The following ADAMTS17 variants were observed in gnomAD, a reference collection of about 807,000 sequenced individuals.
ADAMTS17 encodes the protein A disintegrin and metalloproteinase with thrombospondin motifs 17.
ADAMTS17 carries 113 observed loss-of-function variants against 141.5 expected under a neutral mutation model. That is an observed-to-expected ratio of 0.80 (90% CI 0.69 to 0.93). The LOEUF (loss-of-function observed/expected upper bound fraction) is 0.93. ADAMTS17 is among the 40% of genes least tolerant of loss of function. The probability of loss-of-function intolerance (pLI) is 0.00; values close to 1 mark genes in which losing one functional copy is unlikely to be tolerated. For missense variants in ADAMTS17, 1,659 were observed against 1,517.9 expected (o/e 1.09, Z -1.54); for synonymous variants, 768 against 630.6 (o/e 1.22, Z -3.27).
At chr15:100,147,908 C>G (rs1413734976) in intron 10 of ADAMTS17, among the ~76,000 whole-genome samples, 1 of 152,118 alleles carries the variant, frequency 6.6e-6, no homozygotes, top group Non-Finnish European at 1.5e-5. Context: ...GCCAAGGTGT[C>G]AATAGGGCTG....
chr15:100,150,103 T>C (rs1310108842), intron 10 of ADAMTS17, among the ~76,000 whole-genome samples: 1 of 152,144 alleles, frequency 6.6e-6, no homozygotes, highest in Non-Finnish European at 1.5e-5. Flanking sequence ...GGAAAACATA[T>C]TTTGCAGTTC....
chr15:100,151,484 C>T (rs2141347834), intron 10 of ADAMTS17, among the ~76,000 whole-genome samples: 1 of 152,290 alleles, frequency 6.6e-6, no homozygotes, highest in South Asian at 2.1e-4. Flanking sequence ...CTGCATGTGC[C>T]TGTGTGCTTT....
intron 3 of ADAMTS17, chr15:100,306,109 C>T (rs771311324): frequency 3.8e-5 from 7 of 184,610 alleles, no homozygotes; most frequent in African/African-American, 4.7e-5. Flanking sequence ...GCTCTCTCCT[C>T]GAGCTGTCTC....
At chr15:99,974,977 CT>C (rs1367469735) in intron 21 of ADAMTS17, among the ~76,000 whole-genome samples, 1 of 152,202 alleles carries the variant, frequency 6.6e-6, no homozygotes, top group Non-Finnish European at 1.5e-5. Flanking sequence ...CCCAAATATC[CT>C]TCAGGGTCTT....
intron 8 of ADAMTS17, among the ~76,000 whole-genome samples, chr15:100,161,420 A>G (rs2039688499): frequency 6.6e-6 from 1 of 151,650 alleles, no homozygotes; most frequent in Non-Finnish European, 1.5e-5. Context: ...TGTGGAATGA[A>G]TCCCCGGAGT....
chr15:100,165,482 T>G (rs765443972), intron 8 of ADAMTS17, among the ~76,000 whole-genome samples: 1 of 152,218 alleles, frequency 6.6e-6, no homozygotes, highest in Non-Finnish European at 1.5e-5. Context: ...GAGTGGCACC[T>G]GCTTGGGAGG....
intron 18 of ADAMTS17, among the ~76,000 whole-genome samples, chr15:100,001,852 C>G (rs1262779554): frequency 1.3e-5 from 2 of 149,826 alleles, no homozygotes; most frequent in East Asian, 3.9e-4. Flanking sequence ...ATCTGTGGTC[C>G]CAGCTACTTG....
chr15:100,096,493 C>T lies in ADAMTS17; in HGVS notation c.2017-17G>A. 6.2e-7 allele frequency: 1 copy of T among 1,614,002 alleles called. No individual in the cohort carries two copies. The highest frequency in any genetic ancestry group is 1.1e-5 in the South Asian group (1 of 91,076). On this transcript the variant is annotated splice_polypyrimidine_tract_variant and intron_variant, in intron 14 of 21. Coordinates refer to ENST00000268070, the MANE Select transcript of ADAMTS17 (RefSeq NM_139057.4). ...GCCGATTTTCTAAAGAACCAGAGGG[C>T]CTCATTATTCTGTGGTTAAGACTCA...
intron 18 of ADAMTS17, among the ~76,000 whole-genome samples, chr15:100,039,038 C>T (rs192818645): frequency 2.5e-4 from 38 of 152,316 alleles, no homozygotes; most frequent in East Asian, 1.5e-3. Context: ...TTAGGGCATA[C>T]GGCTGTTCAT....
At chr15:99,977,357 T>C (rs1398814804) in intron 20 of ADAMTS17, among the ~76,000 whole-genome samples, 1 of 2,156 alleles carries the variant, frequency 4.6e-4, no homozygotes. Context: ...TTCATATATA[T>C]ATATATATAT....
intron 8 of ADAMTS17, among the ~76,000 whole-genome samples, chr15:100,184,758 T>C (rs1327203980): frequency 6.6e-6 from 1 of 152,200 alleles, no homozygotes; most frequent in East Asian, 1.9e-4. Flanking sequence ...ATCATGCTGC[T>C]GTGGCCATCA....
chr15:100,294,165 T>A (rs2044732603), intron 3 of ADAMTS17, among the ~76,000 whole-genome samples: 1 of 152,228 alleles, frequency 6.6e-6, no homozygotes, highest in Non-Finnish European at 1.5e-5. Context: ...CTTATTTCTA[T>A]CATCTGCATG....
At chr15:100,277,873 G>A (rs1257465669) in intron 4 of ADAMTS17, among the ~76,000 whole-genome samples, 1 of 152,224 alleles carries the variant, frequency 6.6e-6, no homozygotes, top group Non-Finnish European at 1.5e-5. Context: ...GTAGCAAAAG[G>A]TAGAAACAAC....
intron 13 of ADAMTS17, among the ~76,000 whole-genome samples, chr15:100,109,440 C>G (rs974713273): frequency 6.8e-6 from 1 of 147,160 alleles, no homozygotes; most frequent in Non-Finnish European, 1.5e-5. Flanking sequence ...ACGTTGAATA[C>G]ACATCAAGGG....
At chr15:100,262,876 T>C (rs1448269906) in intron 4 of ADAMTS17, among the ~76,000 whole-genome samples, 6 of 150,408 alleles carry the variant, frequency 4.0e-5, no homozygotes, top group African/African-American at 1.5e-4. Context: ...AAAAAATACA[T>C]ACGTGAGAAA....
intron 18 of ADAMTS17, 36 bp downstream of exon 18, chr15:100,048,821 T>A (rs905111719): frequency 1.2e-6 from 2 of 1,613,886 alleles, no homozygotes; most frequent in African/African-American, 2.7e-5. Context: ...CGCCCCAGAC[T>A]CTGGTGGGTC....
chr15:100,163,852 G>A (rs2039839599), intron 8 of ADAMTS17, among the ~76,000 whole-genome samples: 1 of 152,138 alleles, frequency 6.6e-6, no homozygotes, highest in African/African-American at 2.4e-5. Context: ...AGTGCACTGG[G>A]CCACTACCAC....
chr15:100,276,784 G>A (rs909633380), intron 4 of ADAMTS17, among the ~76,000 whole-genome samples: 2 of 151,984 alleles, frequency 1.3e-5, no homozygotes, highest in African/African-American at 2.4e-5. Flanking sequence ...ATCCTTTCCC[G>A]TCCTCCCGGC....
chr15:100,097,985 C>A (rs761677468), intron 14 of ADAMTS17, among the ~76,000 whole-genome samples: 3 of 152,052 alleles, frequency 2.0e-5, no homozygotes, highest in Admixed American at 6.6e-5. Flanking sequence ...AAAAGCTGAG[C>A]AAGTTGAGTC....
Sources: allele counts gnomAD v4.1 joint callset (sites outside exome capture counted in the v4.1 genomes callset), GRCh38; gene constraint gnomAD v4.1.1; transcripts MANE v1.5; gene names NCBI Gene and HGNC (gene_info 2026-07-23, HGNC 2026-07-21).